CHD2: variants seen among roughly 807,000 people sequenced by gnomAD.
CHD2 encodes the protein chromodomain helicase DNA binding protein 2.
A neutral mutation model predicts 243.9 loss-of-function variants in CHD2; 28 were observed. The ratio of observed to expected loss-of-function variants is 0.11; its 90% CI spans 0.09 to 0.16. CHD2 has a LOEUF of 0.16. CHD2 is among the 10% of genes least tolerant of loss of function. The probability of loss-of-function intolerance (pLI) is 1.00; values close to 1 mark genes in which losing one functional copy is unlikely to be tolerated. For missense variants in CHD2, 1,386 were observed against 2,209.8 expected (o/e 0.63, Z 7.47); for synonymous variants, 775 against 779.0 (o/e 0.99, Z 0.09).
chr15:92,904,812 A>G (rs1047439569), intron 2 of CHD2: 10 of 1,490,100 alleles, frequency 6.7e-6, no homozygotes, highest in Admixed American at 4.5e-5. Context: ...GAGTGGGTTT[A>G]ATTTTGTTAC....
At chr15:92,990,681 G>A (rs1245281553) in intron 26 of CHD2, among the ~76,000 whole-genome samples, 1 of 152,118 alleles carries the variant, frequency 6.6e-6, no homozygotes, top group African/African-American at 2.4e-5. Flanking sequence ...TTATTCTGTA[G>A]CCATGTCTTC....
intron 20 of CHD2, 33 bp from the exon 21 acceptor site, chr15:92,978,201 A>G (rs1210087603): frequency 6.2e-7 from 1 of 1,613,468 alleles, no homozygotes; most frequent in East Asian, 2.2e-5. Context: ...TGAGAAGGCC[A>G]CTGCATAAAG....
chr15:93,019,239 T>TACC (rs2054500368), intron 37 of CHD2, among the ~76,000 whole-genome samples: 1 of 152,198 alleles, frequency 6.6e-6, no homozygotes, highest in South Asian at 2.1e-4. Context: ...GCACAGCAGG[T>TACC]ACCAGCAGGT....
At position 92,953,411 on chromosome 15, in the gene CHD2, C is replaced by A; in HGVS notation, c.1557C>A (p.Thr519=). Residue 519 remains threonine, a synonymous_variant, in exon 14 of 39, where the codon ACC becomes ACA. Transcript: ENST00000394196. Reference sequence around the variant, plus strand: ...TGGGCCTAGGAAAGACCATCCAGACCATATCATTCCTCTCCTACCTGTTCC... The same window carrying A: ...TGGGCCTAGGAAAGACCATCCAGACAATATCATTCCTCTCCTACCTGTTCC... The part of the protein sequence containing the change: ...DEMGLGKTIQ[T]ISFLSYLFHQ... The A allele has an allele frequency of 6.2e-7, 1 of 1,614,082 alleles. No homozygotes were observed. Among genetic ancestry groups the A allele is most frequent in the African/African-American group, 1.3e-5 (1 of 74,990 alleles).
At chr15:92,966,411 C>T (rs986388350) in intron 16 of CHD2, among the ~76,000 whole-genome samples, 4 of 152,018 alleles carry the variant, frequency 2.6e-5, no homozygotes, top group African/African-American at 9.7e-5. Flanking sequence ...AGTTTTAATT[C>T]CTCACCTATT....
intron 35 of CHD2, 136 bp from the exon 36 acceptor site, chr15:93,012,209 T>C: frequency 2.0e-6 from 1 of 497,428 alleles, no homozygotes. Flanking sequence ...ATACCTGAAA[T>C]AATATTTCTG....
At chr15:92,985,742 TCC>T (rs2141852185) in intron 26 of CHD2, 69 bp downstream of exon 26, 1 of 1,492,378 alleles carries the variant, frequency 6.7e-7, no homozygotes, top group South Asian at 1.3e-5. Context: ...GTTGACTGGA[TCC>T]TGGACATCGT....
At chr15:92,968,559 G>A (rs2053798102) in intron 17 of CHD2, among the ~76,000 whole-genome samples, 2 of 152,260 alleles carry the variant, frequency 1.3e-5, no homozygotes, top group East Asian at 3.9e-4. Flanking sequence ...ATTCATTAGA[G>A]AGTACAAAAG....
intron 3 of CHD2, among the ~76,000 whole-genome samples, chr15:92,925,176 C>T (rs1194542818): frequency 6.6e-6 from 1 of 152,162 alleles, no homozygotes; most frequent in African/African-American, 2.4e-5. Flanking sequence ...GATGGACCTA[C>T]AAGCCAGTCA....
At chr15:92,978,940 A>T (rs1248739247) in intron 21 of CHD2, among the ~76,000 whole-genome samples, 195 bp from the exon 22 acceptor site, 2 of 152,226 alleles carry the variant, frequency 1.3e-5, no homozygotes, top group Admixed American at 6.5e-5. Context: ...TTAAGACTGT[A>T]ACCTGCTGCA....
chr15:93,009,369 G>A, intron 35 of CHD2, 46 bp downstream of exon 35: 1 of 1,555,266 alleles, frequency 6.4e-7, no homozygotes, highest in South Asian at 1.2e-5. Flanking sequence ...GACTGAGTGT[G>A]GGAGTGGATT....
chr15:92,909,939 CGTGTGT>C (rs57621949), intron 2 of CHD2, among the ~76,000 whole-genome samples: 150 of 149,224 alleles, frequency 1.0e-3, no homozygotes, highest in Admixed American at 1.7e-3. Context: ...AAGGGTTTTA[CGTGTGT>C]GTGTGTGTGT....
At chr15:92,994,449 T>C (rs2141863796) in intron 28 of CHD2, among the ~76,000 whole-genome samples, 1 of 152,146 alleles carries the variant, frequency 6.6e-6, no homozygotes, top group South Asian at 2.1e-4. Flanking sequence ...GAATTTGATA[T>C]AATTTAAAAA....
Position 93,020,242 on chromosome 15 carries a change from A to G in CHD2, c.5137A>G (p.Arg1713Gly). The change falls in exon 38 of 39, where the codon AGA (arginine) becomes GGA (glycine). Residue 1713 changes from arginine (R) to glycine (G), a missense_variant. Transcript: ENST00000394196. ...CAGTGACCGAGACCACCGGGGACAC[A>G]GAGATTATTATGACAGGTATGCAAA... ...YSSDRDHRGHRDYYDRHHHDS... is the reference protein window; with the variant it reads ...YSSDRDHRGHGDYYDRHHHDS... 1.2e-6 allele frequency: 2 copies of G among 1,614,160 alleles called. No homozygotes were observed. The highest frequency in any genetic ancestry group is 1.7e-6 in the Non-Finnish European group (2 of 1,180,010).
At chr15:92,984,215 T>C in intron 24 of CHD2, 115 bp from the exon 25 acceptor site, 2 of 742,088 alleles carry the variant, frequency 2.7e-6, no homozygotes, top group Non-Finnish European at 3.8e-6. Flanking sequence ...TTATGTAATA[T>C]CACAAAAGTC....
rs1387290452 is a variant in CHD2 at position 93,016,970 on chromosome 15, C to A, written c.4906+2061C>A. On this transcript the variant is annotated intron_variant, in intron 37 of 38. Transcript: ENST00000394196. ...CAAATGGCCAATATGACGAGATGAC[C>A]AACCTTGCTACTAGGAAAATATAAA... 4.6e-5 allele frequency among the ~76,000 whole-genome samples: 7 copies of A among 152,072 alleles called. 1 individual carries two copies. The highest frequency in any genetic ancestry group is 1.5e-5 in the Non-Finnish European group (1 of 68,020).
chr15:92,912,094 T>C (rs1330740144), intron 2 of CHD2, among the ~76,000 whole-genome samples: 1 of 152,234 alleles, frequency 6.6e-6, no homozygotes, highest in Non-Finnish European at 1.5e-5. Flanking sequence ...TTGGCACACA[T>C]GAACTTTGGA....
At chr15:92,944,806 G>T (rs2053435508) in intron 10 of CHD2, 1 of 183,720 alleles carries the variant, frequency 5.4e-6, no homozygotes, top group East Asian at 1.3e-4. Context: ...TGGAGACCAA[G>T]AGCTTAGTTT....
chr15:92,927,987 G>T (rs1041449923), intron 4 of CHD2, among the ~76,000 whole-genome samples: 2 of 152,066 alleles, frequency 1.3e-5, no homozygotes, highest in African/African-American at 4.8e-5. Context: ...TCTGAATTAG[G>T]TTTATAGACT....
Sources: gnomAD v4.1 joint callset for allele counts (sites outside exome capture counted in the v4.1 genomes callset) on GRCh38, gnomAD v4.1.1 for gene constraint, MANE v1.5 for transcripts, NCBI Gene and HGNC (gene_info 2026-07-23, HGNC 2026-07-21) for gene names.